FMNL2: variants seen among roughly 807,000 people sequenced by gnomAD.
FMNL2 encodes formin-like protein 2.
Under a neutral mutation model 130.2 loss-of-function variants are expected in FMNL2, and 51 were observed. That is an observed-to-expected ratio of 0.39 (90% confidence interval 0.31 to 0.49). The LOEUF is 0.49. FMNL2 is among the 20% of genes least tolerant of loss of function. The pLI is 0.85. For synonymous variants in FMNL2, 465 were observed against 467.1 expected, an observed-to-expected ratio of 1.00 and a Z score of 0.06; for missense variants, 977 against 1,316.2, an observed-to-expected ratio of 0.74 and a Z score of 3.99.
chr2:152,452,930 G>A (rs533262909), intron 1 of FMNL2, among the ~76,000 whole-genome samples: 3 of 152,134 alleles, frequency 2.0e-5, no homozygotes, highest in Non-Finnish European at 4.4e-5. Flanking sequence ...ATGGCCGGGC[G>A]CGGTGGCTTA....
chr2:152,647,387 G>C (rs1424711993), intron 25 of FMNL2, among the ~76,000 whole-genome samples: 3 of 152,308 alleles, frequency 2.0e-5, no homozygotes, highest in Admixed American at 1.3e-4. Context: ...GATGGGACAG[G>C]ACAGTCTGCT....
At chr2:152,602,781 C>T (rs759619760) in intron 9 of FMNL2, among the ~76,000 whole-genome samples, 14 of 152,066 alleles carry the variant, frequency 9.2e-5, no homozygotes, top group South Asian at 2.1e-4. Flanking sequence ...TTTGATGAAG[C>T]GCTCGAGTTC....
At chr2:152,456,899 C>T (rs981864627) in intron 1 of FMNL2, among the ~76,000 whole-genome samples, 8 of 148,264 alleles carry the variant, frequency 5.4e-5, no homozygotes, top group South Asian at 2.1e-4. Context: ...GATTGCGCCA[C>T]TACACTCCAG....
intron 1 of FMNL2, among the ~76,000 whole-genome samples, chr2:152,488,499 T>G (rs549433249): frequency 6.6e-6 from 1 of 152,362 alleles, no homozygotes; most frequent in South Asian, 2.1e-4. Context: ...ATAATTTATT[T>G]TTCCAAGACA....
chr2:152,343,838 A>G (rs1375266796), intron 1 of FMNL2, among the ~76,000 whole-genome samples: 1 of 44,230 alleles, frequency 2.3e-5, no homozygotes, highest in Non-Finnish European at 7.6e-5. Context: ...TTGTGCATTG[A>G]CATCACTTGG....
At chr2:152,639,397 GAA>G (rs1174609436) in intron 23 of FMNL2, among the ~76,000 whole-genome samples, 1 of 152,212 alleles carries the variant, frequency 6.6e-6, no homozygotes, top group Non-Finnish European at 1.5e-5. Flanking sequence ...GGCTTCAAAA[GAA>G]AGAGTGCCCA....
chr2:152,437,920 A>G (rs4664108), intron 1 of FMNL2, among the ~76,000 whole-genome samples: 9,867 of 152,336 alleles, frequency 0.065, 571 homozygotes, highest in Admixed American at 0.21. Flanking sequence ...AAAAGGCATT[A>G]GAATCTGTGG....
In FMNL2 at chr2:152,561,023, A is replaced by G. The variant is rs1387295980; in HGVS notation, c.584A>G (p.His195Arg). The G allele has an allele frequency of 9.4e-6, 15 of 1,598,736 alleles. No individual in the cohort carries two copies. Among genetic ancestry groups the G allele is most frequent in the South Asian group, 1.1e-5 (1 of 88,620 alleles). The change falls in exon 6 of 26, where the codon CAT (histidine) becomes CGT (arginine). Residue 195 changes from histidine (H) to arginine (R), a missense_variant. Transcript: ENST00000288670. ...VGNSVSRSGRHSALRYNTLPS... is the reference protein window; with the variant it reads ...VGNSVSRSGRRSALRYNTLPS... ...AACAGTGTCTCCCGCTCTGGAAGAC[A>G]TTCTGCACTGCGGTGAGTTCGTTTA...
intron 1 of FMNL2, among the ~76,000 whole-genome samples, chr2:152,482,966 A>C (rs568900483): frequency 4.6e-4 from 70 of 152,264 alleles, no homozygotes; most frequent in Admixed American, 6.5e-4. Flanking sequence ...TCAGAGGCTT[A>C]TCTCTCTGTG....
intron 1 of FMNL2, among the ~76,000 whole-genome samples, chr2:152,511,216 T>C (rs572773870): frequency 1.6e-4 from 25 of 152,332 alleles, no homozygotes; most frequent in African/African-American, 5.5e-4. Flanking sequence ...CCAACACTTA[T>C]TCCGCCCCCA....
intron 1 of FMNL2, among the ~76,000 whole-genome samples, chr2:152,460,541 T>C (rs765369155): frequency 1.3e-5 from 2 of 152,210 alleles, no homozygotes; most frequent in Non-Finnish European, 2.9e-5. Flanking sequence ...TTCCCACAAC[T>C]GCCCTCTTCA....
At chr2:152,350,140 G>C (rs549589974) in intron 1 of FMNL2, among the ~76,000 whole-genome samples, 3 of 152,332 alleles carry the variant, frequency 2.0e-5, no homozygotes, top group Admixed American at 6.5e-5. Context: ...GATAAGGTCT[G>C]AGTGAGGAGG....
chr2:152,445,960 T>C (rs1047836085), intron 1 of FMNL2, among the ~76,000 whole-genome samples: 37 of 152,308 alleles, frequency 2.4e-4, no homozygotes, highest in African/African-American at 8.2e-4. Flanking sequence ...GGGTGATTCA[T>C]GATACTTTCT....
chr2:152,402,897 T>C (rs1265407282), intron 1 of FMNL2, among the ~76,000 whole-genome samples: 1 of 152,218 alleles, frequency 6.6e-6, no homozygotes, highest in African/African-American at 2.4e-5. Context: ...TCTTTTTCGG[T>C]CCGGGGATCC....
Position 152,558,731 on chromosome 2 carries a change from C to CT in FMNL2, c.360-9_360-8insT. 1.4e-6 allele frequency: 2 copies of CT among 1,450,188 alleles called. No homozygotes were observed. Among genetic ancestry groups the CT allele is most frequent in the Non-Finnish European group, 1.8e-6 (2 of 1,101,008 alleles). 89.8% of individuals were successfully genotyped at this position (1,450,188 alleles called of 1,614,324 possible). A position where few individuals can be genotyped will look rare whatever the true frequency, so the allele number is the denominator to read the frequency against. The stretch of plus-strand genomic sequence containing the variant: ...TCTCCAATGATTTTTTTTTTTTTTT[C>CT]CCCAACAGATGGGTCAGAGAATTTC... On this transcript the variant is annotated splice_polypyrimidine_tract_variant and intron_variant, in intron 4 of 25. Coordinates refer to ENST00000288670, the MANE Select transcript of FMNL2 (RefSeq NM_052905.4).
At chr2:152,607,279 T>C (rs1481400817) in intron 9 of FMNL2, 60 bp from the exon 10 acceptor site, 2 of 1,367,602 alleles carry the variant, frequency 1.5e-6, no homozygotes, top group Admixed American at 1.8e-5. Context: ...AATTTCTGCA[T>C]CTAATTTTGG....
At chr2:152,577,484 A>G (rs1696540653) in intron 7 of FMNL2, among the ~76,000 whole-genome samples, 1 of 152,192 alleles carries the variant, frequency 6.6e-6, no homozygotes, top group South Asian at 2.1e-4. Flanking sequence ...TAATTAGCAT[A>G]TAAATGGCAT....
At chr2:152,635,679 G>T (rs577857018) in intron 21 of FMNL2, among the ~76,000 whole-genome samples, 2 of 152,318 alleles carry the variant, frequency 1.3e-5, no homozygotes, top group Non-Finnish European at 2.9e-5. Context: ...GGTACTCAAC[G>T]TCCTAAAGAA....
rs1683892019 is a variant in FMNL2, at chr2:152,649,463, G to A, written c.*1558G>A. Reference sequence around the variant, plus strand: ...TTTCACTTTAGTGTACCTATTTACAGAAAGATTAAACTGCCACCTGCGGGC... The same window carrying A: ...TTTCACTTTAGTGTACCTATTTACAAAAAGATTAAACTGCCACCTGCGGGC... On this transcript the variant is annotated 3_prime_UTR_variant, in exon 26 of 26. Transcript: ENST00000288670. 1 of 152,504 alleles carries A rather than the reference G, an allele frequency of 6.6e-6. No homozygotes were observed. The highest frequency in any genetic ancestry group is 2.4e-5 in the African/African-American group (1 of 41,406). 9.4% of individuals were successfully genotyped at this position (152,504 alleles called of 1,614,324 possible). A position where few individuals can be genotyped will look rare whatever the true frequency, so the allele number is the denominator to read the frequency against.
Sources: gnomAD v4.1 joint callset for allele counts (sites outside exome capture counted in the v4.1 genomes callset) on GRCh38, gnomAD v4.1.1 for gene constraint, MANE v1.5 for transcripts, NCBI Gene and HGNC (gene_info 2026-07-23, HGNC 2026-07-21) for gene names.